Variants in VIT observed in about 807,000 individuals in gnomAD.
VIT encodes the protein vitrin.
Under a neutral mutation model 78.0 loss-of-function variants are expected in VIT, and 99 were observed. The ratio of observed to expected loss-of-function variants is 1.27; its 90% CI spans 1.08 to 1.50. The LOEUF is 1.50. Among genes scored for constraint, VIT ranks in the 40% most tolerant of loss-of-function variants. The probability of loss-of-function intolerance (pLI) is 0.00; values close to 1 mark genes in which losing one functional copy is unlikely to be tolerated. For synonymous variants in VIT, 374 were observed against 334.3 expected (o/e 1.12, Z -1.29); for missense variants, 1,126 against 875.3 (o/e 1.29, Z -3.61).
In VIT at chr2:36,773,778, A is replaced by C; in HGVS notation, c.680-13A>C. On this transcript the variant is annotated splice_polypyrimidine_tract_variant and intron_variant, in intron 7 of 15. Transcript: ENST00000379242. ...ATAAAATTCATGCTCTGACCAGTCAAATGTCCTTACAGATCTCTGGTCCAC... is the reference window on the plus strand; with the variant it reads ...ATAAAATTCATGCTCTGACCAGTCACATGTCCTTACAGATCTCTGGTCCAC... 1 of 1,579,272 alleles carries C rather than the reference A, an allele frequency of 6.3e-7. No homozygotes were observed. Among genetic ancestry groups the C allele is most frequent in the East Asian group, 2.3e-5 (1 of 43,936 alleles).
intron 9 of VIT, among the ~76,000 whole-genome samples, chr2:36,779,360 C>T (rs1670254938): frequency 6.6e-6 from 1 of 152,242 alleles, no homozygotes; most frequent in African/African-American, 2.4e-5. Context: ...GTAGAAAGTG[C>T]TCAGTCAGTG....
At chr2:36,783,276 C>CATGGGGTA in intron 10 of VIT, 64 bp from the exon 11 acceptor site, 1 of 1,564,172 alleles carries the variant, frequency 6.4e-7, no homozygotes, top group East Asian at 2.3e-5. Context: ...TGTCCCCTCC[C>CATGGGGTA]ATGGGGTAAG....
chr2:36,706,784 T>C (rs1049101455), intron 1 of VIT, among the ~76,000 whole-genome samples: 7 of 152,250 alleles, frequency 4.6e-5, no homozygotes, highest in Non-Finnish European at 7.3e-5. Flanking sequence ...AACCAGGCTT[T>C]GAAAAGTGAA....
At chr2:36,793,192 G>A (rs931693007) in intron 12 of VIT, among the ~76,000 whole-genome samples, 1 of 152,118 alleles carries the variant, frequency 6.6e-6, no homozygotes, top group Non-Finnish European at 1.5e-5. Flanking sequence ...GTGGCTCTCA[G>A]ATCAGCATAT....
At chr2:36,809,726 C>T (rs910858636) in intron 15 of VIT, among the ~76,000 whole-genome samples, 1 of 152,116 alleles carries the variant, frequency 6.6e-6, no homozygotes, top group Non-Finnish European at 1.5e-5. Flanking sequence ...TGTACTGGTA[C>T]CTTTTAAGGA....
intron 15 of VIT, among the ~76,000 whole-genome samples, chr2:36,809,664 C>G (rs1667007446): frequency 6.6e-6 from 1 of 152,188 alleles, no homozygotes; most frequent in Non-Finnish European, 1.5e-5. Flanking sequence ...ATCCTCCTGC[C>G]TTGGCCTCCC....
At chr2:36,732,866 G>A (rs989228997) in intron 3 of VIT, among the ~76,000 whole-genome samples, 1 of 152,198 alleles carries the variant, frequency 6.6e-6, no homozygotes, top group African/African-American at 2.4e-5. Context: ...GATTCTGAAG[G>A]CCAAATAGGG....
chr2:36,806,511 G>T (rs1666737513), intron 14 of VIT, among the ~76,000 whole-genome samples: 1 of 151,874 alleles, frequency 6.6e-6, no homozygotes, highest in Non-Finnish European at 1.5e-5. Context: ...GCCCTCTCCT[G>T]CAGGATCCCT....
At chr2:36,808,005 C>T (rs73924906) in intron 14 of VIT, among the ~76,000 whole-genome samples, 2,516 of 152,248 alleles carry the variant, frequency 0.017, 68 homozygotes, top group African/African-American at 0.057. Context: ...GATCCCTTCC[C>T]GCCTGGAACA....
At chr2:36,697,790 A>C (rs36031300) in intron 1 of VIT, among the ~76,000 whole-genome samples, 1,737 of 152,286 alleles carry the variant, frequency 0.011, 22 homozygotes, top group Non-Finnish European at 0.015. Context: ...GGAATTAAAA[A>C]TTTTCTTTGG....
chr2:36,729,574 TG>T (rs1403649759), intron 3 of VIT, 83 bp downstream of exon 3: 1 of 1,445,420 alleles, frequency 6.9e-7, no homozygotes, highest in African/African-American at 1.4e-5. Context: ...AGGTAATTTT[TG>T]TTTTGGTTTG....
In VIT at chr2:36,714,820, C is replaced by G. The variant is rs140253131; in HGVS notation, c.-18-1533C>G. ...ATCTGTTCAATGAGGATCATAAAACCTACCATGGTGACGTATTGGGTGGAT... is the reference window on the plus strand; with the variant it reads ...ATCTGTTCAATGAGGATCATAAAACGTACCATGGTGACGTATTGGGTGGAT... On this transcript the variant is annotated intron_variant, in intron 1 of 15. Transcript: ENST00000379242. Among the ~76,000 whole-genome samples, 41 of 152,260 alleles carry G rather than the reference C, an allele frequency of 2.7e-4. 1 individual carries two copies. In the East Asian group the frequency reaches 6.6e-3, roughly 24 times the overall value.
rs185898195 is a variant in VIT, at chr2:36,736,231, A to G, written c.118+6740A>G. ...TTCTTGATTGTTTAAGGCTACAAAT[A>G]AAGATTGAAGGGCTTAGGTGTGTTC... is the stretch of plus-strand genomic sequence containing the variant. On this transcript the variant is annotated intron_variant, in intron 3 of 15. Coordinates refer to ENST00000379242, the MANE Select transcript of VIT (RefSeq NM_053276.4). Among the ~76,000 whole-genome samples the G allele has an allele frequency of 3.4e-3, 511 of 152,308 alleles. 6 individuals carry two copies. Among genetic ancestry groups the G allele is most frequent in the South Asian group, 0.018 (86 of 4,820 alleles).
intron 14 of VIT, 91 bp downstream of exon 14, chr2:36,805,755 A>T: frequency 7.3e-7 from 1 of 1,371,884 alleles, no homozygotes; most frequent in South Asian, 1.4e-5. Flanking sequence ...CCATGCCTTT[A>T]AATGTGCATG....
intron 11 of VIT, among the ~76,000 whole-genome samples, chr2:36,784,924 A>G (rs1372879287): frequency 3.3e-5 from 5 of 152,244 alleles, no homozygotes; most frequent in African/African-American, 9.6e-5. Flanking sequence ...CCGTGGTATC[A>G]GCCATCAGGC....
At chr2:36,810,831 A>T (rs921414214) in intron 15 of VIT, among the ~76,000 whole-genome samples, 2 of 152,074 alleles carry the variant, frequency 1.3e-5, no homozygotes, top group African/African-American at 4.8e-5. Context: ...ACAGGGTTTC[A>T]CCGCATTGGC....
At chr2:36,788,910 C>T (rs1394734949) in intron 12 of VIT, among the ~76,000 whole-genome samples, 1 of 152,112 alleles carries the variant, frequency 6.6e-6, no homozygotes, top group African/African-American at 2.4e-5. Flanking sequence ...GATTAGAGAA[C>T]AAATGTTGCA....
Position 36,787,117 on chromosome 2 carries a change from T to G in VIT, c.911-12T>G. The G allele has an allele frequency of 6.2e-7, 1 of 1,614,132 alleles. No individual in the cohort carries two copies. The highest frequency in any genetic ancestry group is 8.5e-7 in the Non-Finnish European group (1 of 1,180,014). Reference sequence around the variant, plus strand: ...GATCATGAGAATAATAGAGTCTTTTTCCGTTCCGCAGACTGCAAAATTGAC... The same window carrying G: ...GATCATGAGAATAATAGAGTCTTTTGCCGTTCCGCAGACTGCAAAATTGAC... On this transcript the variant is annotated splice_polypyrimidine_tract_variant and intron_variant, in intron 11 of 15. Coordinates refer to ENST00000379242, the MANE Select transcript of VIT (RefSeq NM_053276.4).
intron 12 of VIT, among the ~76,000 whole-genome samples, chr2:36,789,563 A>T (rs1008582886): frequency 7.3e-4 from 111 of 151,764 alleles, no homozygotes; most frequent in African/African-American, 2.5e-3. Flanking sequence ...GCTGAGGGGG[A>T]GACACATTTA....
Sources: allele counts gnomAD v4.1 joint callset (sites outside exome capture counted in the v4.1 genomes callset), GRCh38; gene constraint gnomAD v4.1.1; transcripts MANE v1.5; gene names NCBI Gene and HGNC (gene_info 2026-07-23, HGNC 2026-07-21).